Variants in GARNL3 observed in about 807,000 individuals in gnomAD.
The protein encoded by GARNL3 is GTPase-activating Rap/Ran-GAP domain-like protein 3.
A neutral mutation model predicts 125.0 loss-of-function variants in GARNL3; 63 were observed. The ratio of observed to expected loss-of-function variants is 0.50; its 90% CI spans 0.41 to 0.62. The LOEUF is 0.62. GARNL3 is among the 20% of genes least tolerant of loss of function. GARNL3 has a pLI of 0.00. For synonymous variants in GARNL3, 439 were observed against 457.5 expected, an observed-to-expected ratio of 0.96 and a Z score of 0.52; for missense variants, 994 against 1,244.0, an observed-to-expected ratio of 0.80 and a Z score of 3.02.
intron 1 of GARNL3, among the ~76,000 whole-genome samples, chr9:127,284,748 TATAAA>T (rs2064199087): frequency 1.3e-5 from 2 of 150,698 alleles, no homozygotes; most frequent in Non-Finnish European, 3.0e-5. Context: ...CAAGAATTTA[TATAAA>T]TATATGCATA....
chr9:127,353,123 A>T (rs1830499068), intron 17 of GARNL3, among the ~76,000 whole-genome samples: 2 of 152,104 alleles, frequency 1.3e-5, no homozygotes, highest in African/African-American at 4.8e-5. Context: ...TCAACAACAA[A>T]TCCTGTGTGG....
intron 1 of GARNL3, among the ~76,000 whole-genome samples, chr9:127,226,251 G>T (rs1172245605): frequency 1.3e-5 from 2 of 152,218 alleles, no homozygotes; most frequent in African/African-American, 2.4e-5. Flanking sequence ...ACTCCGACCC[G>T]CACTGAGGCC....
chr9:127,244,551 C>T (rs78753674), intron 2 of GARNL3, among the ~76,000 whole-genome samples: 2,278 of 152,268 alleles, frequency 0.015, 61 homozygotes, highest in African/African-American at 0.053. Context: ...TTTTACAAAG[C>T]TCCCCAGGTG....
At chr9:127,250,679 A>G (rs1316878445) in intron 2 of GARNL3, among the ~76,000 whole-genome samples, 3 of 152,204 alleles carry the variant, frequency 2.0e-5, no homozygotes, top group Admixed American at 2.0e-4. Context: ...ACTCAGGCAC[A>G]GTCGAGATTT....
intron 7 of GARNL3, among the ~76,000 whole-genome samples, chr9:127,329,774 T>A (rs937827494): frequency 6.6e-6 from 1 of 152,112 alleles, no homozygotes; most frequent in African/African-American, 2.4e-5. Context: ...GTCCTACCGT[T>A]CACTTAGTTC....
chr9:127,232,593 G>A lies in GARNL3; in HGVS notation c.-29+8255G>A, dbSNP rs958850644. On this transcript the variant is annotated intron_variant, in intron 1 of 10. Transcript: ENST00000439286. ...CAAGGCACTAGGATTACAGGCATGA[G>A]GCACCGTGCCCAGCCTGCATTAGCA... Among the ~76,000 whole-genome samples, 3 of 152,214 alleles carry A rather than the reference G, an allele frequency of 2.0e-5. No homozygotes were observed. The East Asian group carries it at 5.8e-4, about 29-fold the overall frequency.
At chr9:127,332,389 G>T (rs763907762) in intron 8 of GARNL3, 40 bp downstream of exon 8, 2 of 1,518,554 alleles carry the variant, frequency 1.3e-6, no homozygotes, top group Non-Finnish European at 1.8e-6. Flanking sequence ...CAGAGACCCT[G>T]TCCTGCCTTG....
At position 127,390,751 on chromosome 9, in the gene GARNL3, T is replaced by G; in HGVS notation, c.2854T>G (p.Ser952Ala). The change falls in exon 27 of 28, where the codon TCA becomes GCA. Residue 952 changes from serine (S) to alanine (A), a missense_variant. By Grantham distance (99) the Ser-to-Ala change is moderately conservative. Coordinates refer to ENST00000373387, the MANE Select transcript of GARNL3 (RefSeq NM_032293.5). ...QGGPKPGAVR[S>A]SSSDRIPSGS... ...AGGCCCCAAGCCAGGGGCAGTGAGG[T>G]CATCTAGCAGTGACAGGTAAAGAGA... 1 of 1,613,524 alleles carries G rather than the reference T, an allele frequency of 6.2e-7. No individual in the cohort carries two copies. Among genetic ancestry groups the G allele is most frequent in the Non-Finnish European group, 8.5e-7 (1 of 1,179,654 alleles).
chr9:127,310,509 T>A (rs900102992), intron 2 of GARNL3, among the ~76,000 whole-genome samples: 10 of 152,130 alleles, frequency 6.6e-5, no homozygotes, highest in African/African-American at 1.9e-4. Context: ...AGGCCAGGCG[T>A]AGTGGCTCAC....
At chr9:127,254,172 C>T (rs889538504) in intron 2 of GARNL3, among the ~76,000 whole-genome samples, 13 of 152,040 alleles carry the variant, frequency 8.6e-5, no homozygotes, top group African/African-American at 2.2e-4. Flanking sequence ...ATCCCATTCC[C>T]GAAGATTCTA....
intron 19 of GARNL3, 94 bp from the exon 20 acceptor site, chr9:127,355,202 AT>A (rs1211052190): frequency 2.8e-5 from 27 of 954,984 alleles, no homozygotes; most frequent in Non-Finnish European, 4.2e-5. Flanking sequence ...GTTATGCTTA[AT>A]TTCCAGGGTT....
In GARNL3 at chr9:127,393,614, C is replaced by G. The variant is rs1564209788; in HGVS notation, c.*360C>G. ...TTCATTACAGTTTTGATTTATGTCA[C>G]ATAATGTGTTTCTTTTATAAAGAAA... On this transcript the variant is annotated 3_prime_UTR_variant, in exon 28 of 28. Transcript: ENST00000373387. The G allele has an allele frequency of 6.4e-6, 1 of 156,412 alleles. No homozygotes were observed. The highest frequency in any genetic ancestry group is 2.4e-5 in the African/African-American group (1 of 41,568). The allele number at this position is 156,412 out of a possible 1,614,324, so 9.7% of individuals were successfully genotyped here.
At chr9:127,271,348 A>G (rs2063820028) in intron 1 of GARNL3, among the ~76,000 whole-genome samples, 1 of 150,338 alleles carries the variant, frequency 6.7e-6, no homozygotes, top group Non-Finnish European at 1.5e-5. Flanking sequence ...AGCATTAGTT[A>G]CTTAGTAACT....
chr9:127,239,929 T>G (rs1218578054), intron 1 of GARNL3, among the ~76,000 whole-genome samples: 1 of 152,112 alleles, frequency 6.6e-6, no homozygotes, highest in Non-Finnish European at 1.5e-5. Context: ...AATAAAATCT[T>G]AAAGTTTAAA....
rs983264316 is a variant in GARNL3, at chr9:127,241,751, T to G, written c.-28-1328T>G. On this transcript the variant is annotated intron_variant, in intron 1 of 10. Transcript: ENST00000439286. ...ATTAGAGTGACTTTTTTGAGGTTTT[T>G]TGTTTGTTTGTTTGTTTGTTTTGTT... Among the ~76,000 whole-genome samples, 34 of 115,142 alleles carry G rather than the reference T, an allele frequency of 3.0e-4. No individual in the cohort carries two copies. The African/African-American group carries it at 3.1e-3, about 11-fold the overall frequency. The allele number at this position is 115,142 out of a possible 152,430, so 75.5% of individuals were successfully genotyped here.
intron 1 of GARNL3, among the ~76,000 whole-genome samples, chr9:127,272,329 A>G (rs2063842396): frequency 6.7e-6 from 1 of 149,880 alleles, no homozygotes; most frequent in South Asian, 2.1e-4. Context: ...TATTCTATCT[A>G]GTATTACCAA....
At chr9:127,356,962 C>A (rs1283264520) in intron 20 of GARNL3, among the ~76,000 whole-genome samples, 2 of 152,226 alleles carry the variant, frequency 1.3e-5, no homozygotes, top group African/African-American at 4.8e-5. Flanking sequence ...CTGTTGATTG[C>A]ATTTTGTTTA....
chr9:127,376,541 CT>C (rs1831928031), intron 22 of GARNL3, among the ~76,000 whole-genome samples: 1 of 152,110 alleles, frequency 6.6e-6, no homozygotes, highest in African/African-American at 2.4e-5. Flanking sequence ...TTTAACGTCT[CT>C]GAATTTAGCA....
rs2063672200 is a variant in GARNL3 at position 127,264,997 on chromosome 9, G to A, written c.120G>A (p.Arg40=). 1 of 1,613,164 alleles carries A rather than the reference G, an allele frequency of 6.2e-7. No individual in the cohort carries two copies. Among genetic ancestry groups the A allele is most frequent in the Non-Finnish European group, 8.5e-7 (1 of 1,179,528 alleles). Residue 40 remains arginine (R), a synonymous_variant, in exon 1 of 28, where the codon AGG becomes AGA. Coordinates refer to ENST00000373387, the MANE Select transcript of GARNL3 (RefSeq NM_032293.5). ...GCTGTAGACGTGGGGATTTCAGTAG[G>A]AAACATTATGGATCTGTGGAGCTGG... ...DLGCRRGDFS[R]KHYGSVELLI...
Sources: gnomAD v4.1 joint callset for allele counts (sites outside exome capture counted in the v4.1 genomes callset) on GRCh38, gnomAD v4.1.1 for gene constraint, MANE v1.5 for transcripts, NCBI Gene and HGNC (gene_info 2026-07-23, HGNC 2026-07-21) for gene names.